The following PLAC1 variants were observed in gnomAD, a reference collection of about 807,000 sequenced individuals.
The protein encoded by PLAC1 is placenta-specific protein 1.
For missense variants in PLAC1, 136 were observed against 163.2 expected (o/e 0.83, Z 0.91); for synonymous variants, 68 against 62.1 (o/e 1.09, Z -0.44).
At chrX:134,608,864 C>T (rs748010624) in intron 1 of PLAC1, among the ~76,000 whole-genome samples, 60 of 108,928 alleles carry the variant, frequency 5.5e-4, no homozygotes, top group African/African-American at 1.9e-3. Flanking sequence ...TTAGTAGAGA[C>T]GGGGTTTCAC....
At chrX:134,761,479 T>G (rs1445691903) in intron 1 of PLAC1, among the ~76,000 whole-genome samples, 1 of 112,050 alleles carries the variant, frequency 8.9e-6, no homozygotes, top group Non-Finnish European at 1.9e-5. Context: ...TTGACGAGAT[T>G]ATAAATTGGT....
chrX:134,716,779 C>T (rs187091699), intron 2 of PLAC1, among the ~76,000 whole-genome samples: 12 of 112,253 alleles, frequency 1.1e-4, no homozygotes, highest in African/African-American at 2.9e-4. Flanking sequence ...CATAGCGTAA[C>T]GGTTAAGAGG....
At chrX:134,670,941 A>G (rs1214905433) in intron 2 of PLAC1, among the ~76,000 whole-genome samples, 2 of 112,302 alleles carry the variant, frequency 1.8e-5, no homozygotes, top group Admixed American at 9.4e-5. Flanking sequence ...TATCTGTAAC[A>G]TGCTTGGGAG....
chrX:134,568,627 G>T (rs944806140), intron 2 of PLAC1, among the ~76,000 whole-genome samples: 3 of 110,828 alleles, frequency 2.7e-5, no homozygotes, highest in South Asian at 3.9e-4. Context: ...ACTTTTTTGG[G>T]TTTTTTTCAC....
At chrX:134,674,458 AG>A (rs1332960136) in intron 2 of PLAC1, among the ~76,000 whole-genome samples, 1 of 112,177 alleles carries the variant, frequency 8.9e-6, no homozygotes, top group African/African-American at 3.2e-5. Flanking sequence ...AAATAAGAAA[AG>A]TTCACACAGG....
intron 2 of PLAC1, among the ~76,000 whole-genome samples, chrX:134,691,599 G>A (rs1034962412): frequency 2.9e-4 from 33 of 112,048 alleles, no homozygotes; most frequent in South Asian, 3.7e-4. Context: ...ACAACATGCC[G>A]AAATAACTCT....
intron 2 of PLAC1, among the ~76,000 whole-genome samples, chrX:134,584,566 GC>G (rs2124365959): frequency 9.1e-6 from 1 of 110,381 alleles, no homozygotes; most frequent in South Asian, 4.1e-4. Flanking sequence ...TGAAGATTAT[GC>G]TTTTTCTGGG....
chrX:134,665,071 A>AGTGTGTGT lies in PLAC1; in HGVS notation n.175-62957_175-62950dup, dbSNP rs59815179. On this transcript the variant is annotated intron_variant and non_coding_transcript_variant, in intron 2 of 2. Coordinates refer to the PLAC1 transcript ENST00000466797. Reference sequence around the variant, plus strand: ...TTAATTGCAAGCTTTGTGATTTTGGAGTGTGTGTGTGTGTGTGTGTGTGTA... The same window carrying AGTGTGTGT: ...TTAATTGCAAGCTTTGTGATTTTGGAGTGTGTGTGTGTGTGTGTGTGTGTGTGTGTGTA... Among the ~76,000 whole-genome samples the AGTGTGTGT allele has an allele frequency of 5.5e-3, 566 of 103,839 alleles. 11 individuals carry two copies. Among genetic ancestry groups the AGTGTGTGT allele is most frequent in the African/African-American group, 0.019 (542 of 28,421 alleles). 90.2% of individuals were successfully genotyped at this position (103,839 alleles called of 115,157 possible).
chrX:134,610,945 A>G (rs2078149192), intron 1 of PLAC1, among the ~76,000 whole-genome samples: 1 of 111,318 alleles, frequency 9.0e-6, no homozygotes, highest in African/African-American at 3.3e-5. Context: ...CTCCTACCCC[A>G]GCCTTCTGAG....
intron 1 of PLAC1, among the ~76,000 whole-genome samples, chrX:134,627,812 C>T (rs2078243200): frequency 8.9e-6 from 1 of 112,023 alleles, no homozygotes; most frequent in Non-Finnish European, 1.9e-5. Flanking sequence ...TAAAATACCA[C>T]TTTTGTCAGA....
chrX:134,655,124 G>A (rs899380490), intron 1 of PLAC1, among the ~76,000 whole-genome samples: 2 of 111,162 alleles, frequency 1.8e-5, no homozygotes, highest in African/African-American at 3.3e-5. Flanking sequence ...GGGCAGAAAG[G>A]TTCCCCCCAT....
intron 1 of PLAC1, among the ~76,000 whole-genome samples, chrX:134,643,671 G>C (rs746694967): frequency 9.0e-6 from 1 of 111,570 alleles, no homozygotes; most frequent in South Asian, 3.7e-4. Context: ...AAAAATGTTT[G>C]ATAAAACTGA....
chrX:134,759,805 A>C (rs1191869329), intron 1 of PLAC1, among the ~76,000 whole-genome samples: 1 of 112,309 alleles, frequency 8.9e-6, no homozygotes, highest in Non-Finnish European at 1.9e-5. Flanking sequence ...TAAGTGAAAT[A>C]AGCTAGGCAC....
chrX:134,616,113 A>G (rs1432432318), intron 1 of PLAC1, among the ~76,000 whole-genome samples: 3 of 110,791 alleles, frequency 2.7e-5, no homozygotes, highest in African/African-American at 3.3e-5. Context: ...CCTGGTAGCT[A>G]GAACTACAGG....
At chrX:134,654,637 T>C (rs1026658049) in intron 1 of PLAC1, among the ~76,000 whole-genome samples, 2 of 112,160 alleles carry the variant, frequency 1.8e-5, no homozygotes, top group Non-Finnish European at 3.8e-5. Flanking sequence ...CCAAGCCCAA[T>C]GGCTCACCTC....
At chrX:134,719,933 C>G (rs919634592) in intron 2 of PLAC1, among the ~76,000 whole-genome samples, 14 of 111,713 alleles carry the variant, frequency 1.3e-4, no homozygotes, top group Non-Finnish European at 2.3e-4. Context: ...CCCCTAAGAT[C>G]AAAAACAATA....
intron 2 of PLAC1, among the ~76,000 whole-genome samples, chrX:134,576,516 A>T (rs1418306455): frequency 2.9e-5 from 3 of 101,852 alleles, no homozygotes; most frequent in African/African-American, 1.1e-4. Context: ...AGCCTGGGCG[A>T]CAGAGTGAGA....
At chrX:134,662,230 C>T (rs939991177), upstream of PLAC1, among the ~76,000 whole-genome samples, 17 of 111,589 alleles carry the variant, frequency 1.5e-4, no homozygotes, top group Non-Finnish European at 7.5e-5. Context: ...GAGACCCTGT[C>T]TCAAAAAACA....
intron 1 of PLAC1, among the ~76,000 whole-genome samples, chrX:134,630,054 C>T (rs1180666701): frequency 9.4e-6 from 1 of 106,193 alleles, no homozygotes; most frequent in Non-Finnish European, 1.9e-5. Flanking sequence ...TCACTGCAAC[C>T]TCCGCCTCCC....
Sources: gnomAD v4.1 joint callset for allele counts (sites outside exome capture counted in the v4.1 genomes callset) on GRCh38, gnomAD v4.1.1 for gene constraint, MANE v1.5 for transcripts, NCBI Gene and HGNC (gene_info 2026-07-23, HGNC 2026-07-21) for gene names.